The following NUSAP1 variants were observed in gnomAD, a reference collection of about 807,000 sequenced individuals.
NUSAP1 encodes the protein nucleolar and spindle-associated protein 1.
Under a neutral mutation model 52.8 loss-of-function variants are expected in NUSAP1, and 32 were observed. That is an observed-to-expected ratio of 0.61 (90% CI 0.46 to 0.81). The LOEUF (loss-of-function observed/expected upper bound fraction) is 0.81. Ranked by LOEUF, NUSAP1 falls within the 40% of genes least tolerant of loss-of-function variation. The pLI is 0.00. For missense variants in NUSAP1, 499 were observed against 522.3 expected, an observed-to-expected ratio of 0.96 and a Z score of 0.43; for synonymous variants, 195 against 183.1, an observed-to-expected ratio of 1.06 and a Z score of -0.52.
At chr15:41,353,008 G>T (rs992741576) in intron 4 of NUSAP1, among the ~76,000 whole-genome samples, 3 of 152,076 alleles carry the variant, frequency 2.0e-5, no homozygotes, top group African/African-American at 7.2e-5. Context: ...CACAAGTGCT[G>T]GTTTTTCCTA....
At chr15:41,342,793 C>T (rs2048412950) in intron 2 of NUSAP1, among the ~76,000 whole-genome samples, 1 of 151,890 alleles carries the variant, frequency 6.6e-6, no homozygotes, top group Non-Finnish European at 1.5e-5. Flanking sequence ...GAGCCAGGAT[C>T]GCGCCACTGT....
chr15:41,362,465 T>C (rs1476800491), intron 6 of NUSAP1, among the ~76,000 whole-genome samples: 1 of 150,484 alleles, frequency 6.6e-6, no homozygotes, highest in Non-Finnish European at 1.5e-5. Context: ...TCACCCAGGC[T>C]GGAGTGCAGT....
At chr15:41,336,748 G>A (rs1251685608) in intron 1 of NUSAP1, among the ~76,000 whole-genome samples, 2 of 144,080 alleles carry the variant, frequency 1.4e-5, no homozygotes. Flanking sequence ...TCAGGTTCAA[G>A]ACATCCTCCC....
intron 1 of NUSAP1, among the ~76,000 whole-genome samples, chr15:41,337,840 C>T (rs370225883): frequency 2.2e-4 from 33 of 152,166 alleles, no homozygotes; most frequent in African/African-American, 7.7e-4. Flanking sequence ...TGTGGAGTGC[C>T]CCCAGGGCTC....
chr15:41,333,181 G>A, intron 1 of NUSAP1, 131 bp downstream of exon 1: 1 of 669,586 alleles, frequency 1.5e-6, no homozygotes, highest in East Asian at 2.7e-5. Context: ...GGCAGTAGAT[G>A]TGGTTCACGG....
chr15:41,361,243 A>G (rs1196262344), intron 6 of NUSAP1, among the ~76,000 whole-genome samples: 1 of 151,640 alleles, frequency 6.6e-6, no homozygotes, highest in East Asian at 1.9e-4. Flanking sequence ...AAAATACAAA[A>G]TTATCTTGGC....
intron 2 of NUSAP1, among the ~76,000 whole-genome samples, chr15:41,342,863 T>C (rs1297323342): frequency 6.6e-6 from 1 of 152,062 alleles, no homozygotes; most frequent in African/African-American, 2.4e-5. Flanking sequence ...AGATATGCTG[T>C]TTATTAAAAA....
At chr15:41,363,284 TAAAAAA>T (rs751252600) in intron 6 of NUSAP1, among the ~76,000 whole-genome samples, 1 of 114,002 alleles carries the variant, frequency 8.8e-6, no homozygotes, top group Non-Finnish European at 1.8e-5. Flanking sequence ...AGTCTCCATC[TAAAAAA>T]AAAAAAAAAA....
chr15:41,354,423 T>C (rs1156257815), intron 4 of NUSAP1, among the ~76,000 whole-genome samples: 2 of 152,014 alleles, frequency 1.3e-5, no homozygotes, highest in Non-Finnish European at 2.9e-5. Context: ...GAGAATCTCT[T>C]GAACCCTGGA....
At position 41,380,082 on chromosome 15, in the gene NUSAP1, A is replaced by C. The variant is rs369370759; in HGVS notation, c.1233-11A>C. ...CTCCCTAGAGCTTAATGTGTGACCT[A>C]TCCCTCTCAGGGAAGAGCAACGGAA... On this transcript the variant is annotated splice_polypyrimidine_tract_variant and intron_variant, in intron 10 of 10. Transcript: ENST00000559596. 2.0e-5 allele frequency: 32 copies of C among 1,564,618 alleles called. No individual in the cohort carries two copies. The African/African-American group carries it at 3.8e-4, about 19-fold the overall frequency.
intron 6 of NUSAP1, among the ~76,000 whole-genome samples, chr15:41,359,412 C>T (rs923193755): frequency 4.6e-4 from 70 of 152,072 alleles, no homozygotes; most frequent in African/African-American, 1.4e-3. Flanking sequence ...AATTTAAAAG[C>T]GGCAGAAAAT....
chr15:41,358,729 G>A (rs113845366), intron 6 of NUSAP1, among the ~76,000 whole-genome samples: 4,144 of 151,930 alleles, frequency 0.027, 83 homozygotes, highest in Middle Eastern at 0.072. Context: ...GTGAGACTCC[G>A]TCTCAAAAAA....
rs2047971191 is a variant in NUSAP1 at position 41,333,009 on chromosome 15, C to T, written c.52C>T (p.Gln18Ter). 6.2e-7 allele frequency: 1 copy of T among 1,612,024 alleles called. No homozygotes were observed. The highest frequency in any genetic ancestry group is 1.3e-5 in the African/African-American group (1 of 74,868). ...ELDSLKYSDLQNLAKSLGLRA... is the reference protein window; with the variant it reads ...ELDSLKYSDL The stretch of plus-strand genomic sequence containing the variant: ...GGACTCCCTCAAGTACAGTGACCTG[C>T]AGAACTTAGCCAAGAGTCTGGGTCT... Residue 18 changes from glutamine to a stop codon, truncating the protein, a stop_gained, in exon 1 of 11, where the codon CAG (glutamine) becomes TAG (stop). Transcript: ENST00000559596. LOFTEE classifies it high-confidence loss of function.
At position 41,375,822 on chromosome 15, in the gene NUSAP1, C is replaced by T; in HGVS notation, c.1117C>T (p.His373Tyr). ...SLSRPLNYEP[H>Y]KGKLKPWGQS... is the part of the protein sequence containing the mutation. ...GTCTCGTCCCCTCAACTATGAACCA[C>T]ACAAAGGTATGTGGGAGTGTTTTGA... is the stretch of plus-strand genomic sequence containing the variant. The change falls in exon 9 of 11, where the codon CAC (histidine) becomes TAC (tyrosine). Residue 373 changes from histidine (H) to tyrosine (Y), a missense_variant. Coordinates refer to ENST00000559596, the MANE Select transcript of NUSAP1 (RefSeq NM_016359.5). The T allele has an allele frequency of 2.5e-6, 4 of 1,604,196 alleles. No homozygotes were observed. The highest frequency in any genetic ancestry group is 3.4e-6 in the Non-Finnish European group (4 of 1,171,030).
intron 9 of NUSAP1, among the ~76,000 whole-genome samples, chr15:41,376,306 GGA>G (rs2049931839): frequency 6.6e-6 from 1 of 151,980 alleles, no homozygotes; most frequent in Non-Finnish European, 1.5e-5. Context: ...GGCTGAGGCA[GGA>G]CAATCGCTTG....
chr15:41,342,480 T>G (rs754728015), intron 2 of NUSAP1, 26 bp downstream of exon 2: 66 of 1,478,830 alleles, frequency 4.5e-5, no homozygotes, highest in Non-Finnish European at 6.1e-5. Context: ...CATGTTTACC[T>G]GTTAGCTAGC....
chr15:41,377,988 T>C (rs7168002), intron 10 of NUSAP1, among the ~76,000 whole-genome samples: 28,861 of 149,042 alleles, frequency 0.19, 3,395 homozygotes, highest in Non-Finnish European at 0.26. Context: ...AGACTCCGTC[T>C]CAAAAAAAAA....
chr15:41,337,589 A>G (rs1302954418), intron 1 of NUSAP1, among the ~76,000 whole-genome samples: 2 of 152,148 alleles, frequency 1.3e-5, no homozygotes, highest in Admixed American at 6.6e-5. Flanking sequence ...TCCTCATTCC[A>G]TCTACTGCCC....
chr15:41,359,512 C>T (rs913777509), intron 6 of NUSAP1, among the ~76,000 whole-genome samples: 2 of 152,082 alleles, frequency 1.3e-5, no homozygotes, highest in Non-Finnish European at 2.9e-5. Context: ...GGAAAACTCA[C>T]TGGGTGATAA....
Sources: gnomAD v4.1 joint callset for allele counts (sites outside exome capture counted in the v4.1 genomes callset) on GRCh38, gnomAD v4.1.1 for gene constraint, MANE v1.5 for transcripts, NCBI Gene and HGNC (gene_info 2026-07-23, HGNC 2026-07-21) for gene names.